The following TIPIN variants were observed in gnomAD, a reference collection of about 807,000 sequenced individuals.
TIPIN encodes TIMELESS-interacting protein.
A neutral mutation model predicts 35.6 loss-of-function variants in TIPIN; 29 were observed. The observed-to-expected ratio is 0.82, with a 90% CI of 0.61 to 1.11. The LOEUF is 1.11. Among genes scored for constraint, TIPIN ranks in the 50% most tolerant of loss-of-function variants. The probability of loss-of-function intolerance (pLI) is 0.00; values close to 1 mark genes in which losing one functional copy is unlikely to be tolerated. For missense variants in TIPIN, 296 were observed against 345.4 expected, an observed-to-expected ratio of 0.86 and a Z score of 1.13; for synonymous variants, 102 against 121.5, an observed-to-expected ratio of 0.84 and a Z score of 1.06.
At chr15:66,343,765 G>A (rs1426929429) in intron 6 of TIPIN, among the ~76,000 whole-genome samples, 2 of 152,246 alleles carry the variant, frequency 1.3e-5, no homozygotes, top group South Asian at 2.1e-4. Context: ...TTTGGGGGCC[G>A]AGGCAGGCAG....
chr15:66,336,272 G>C lies in TIPIN; in HGVS notation c.*686C>G, dbSNP rs1312080244. The C allele has an allele frequency of 6.6e-6, 1 of 152,234 alleles. No homozygotes were observed. Among genetic ancestry groups the C allele is most frequent in the Non-Finnish European group, 1.5e-5 (1 of 68,144 alleles). The allele number at this position is 152,234 out of a possible 1,614,324, so 9.4% of individuals were successfully genotyped here. A position where few individuals can be genotyped will look rare whatever the true frequency, so the allele number is the denominator to read the frequency against. On this transcript the variant is annotated 3_prime_UTR_variant, in exon 8 of 8. Transcript: ENST00000261881. ...TATGTACATCTCAAAACTTCACCCA[G>C]GCTGGGCGCGGTGGCTCACACCTGT... is the stretch of plus-strand genomic sequence containing the variant.
chr15:66,347,943 C>T (rs1235679869), intron 6 of TIPIN, among the ~76,000 whole-genome samples: 2 of 151,872 alleles, frequency 1.3e-5, no homozygotes, highest in African/African-American at 4.8e-5. Flanking sequence ...TAATTATATA[C>T]ACAATATGGA....
chr15:66,369,935 G>C (rs185111178), intron 1 of TIPIN, among the ~76,000 whole-genome samples: 8 of 152,224 alleles, frequency 5.3e-5, no homozygotes, highest in South Asian at 2.1e-4. Context: ...GGATGATGCA[G>C]GGGTTTTCCA....
intron 1 of TIPIN, chr15:66,366,702 G>T: frequency 2.0e-6 from 1 of 488,374 alleles, no homozygotes; most frequent in Non-Finnish European, 2.7e-6. Context: ...AGGAGGCGGA[G>T]GTTGCAGTCA....
intron 1 of TIPIN, chr15:66,382,335 T>G (rs1228141475): frequency 4.4e-5 from 43 of 985,108 alleles, no homozygotes; most frequent in African/African-American, 8.7e-5. Context: ...TGTTTGATTT[T>G]GAACCTAAGA....
At chr15:66,373,623 C>T (rs1399324981) in intron 1 of TIPIN, among the ~76,000 whole-genome samples, 1 of 152,022 alleles carries the variant, frequency 6.6e-6, no homozygotes, top group Non-Finnish European at 1.5e-5. Flanking sequence ...ATACTCTCAC[C>T]ATCAGTGTAA....
At chr15:66,343,994 G>A (rs1041571480) in intron 6 of TIPIN, among the ~76,000 whole-genome samples, 9 of 152,088 alleles carry the variant, frequency 5.9e-5, no homozygotes, top group East Asian at 3.8e-4. Flanking sequence ...GTGAAACTCC[G>A]TCTCAAAAAA....
chr15:66,379,998 C>A (rs377495232), intron 1 of TIPIN: 99 of 313,762 alleles, frequency 3.2e-4, no homozygotes, highest in Non-Finnish European at 4.5e-4. Context: ...TTCTTTCTTT[C>A]TTTCTTTTTT....
At chr15:66,385,420 G>A (rs1338098927) in intron 1 of TIPIN, among the ~76,000 whole-genome samples, 1 of 152,144 alleles carries the variant, frequency 6.6e-6, no homozygotes, top group Admixed American at 6.6e-5. Flanking sequence ...AATGGGTATT[G>A]TGCCTCTTAT....
At chr15:66,364,322 T>G (rs144625372) in intron 1 of TIPIN, among the ~76,000 whole-genome samples, 1 of 151,668 alleles carries the variant, frequency 6.6e-6, no homozygotes, top group African/African-American at 2.4e-5. Flanking sequence ...GGCGCCGCCA[T>G]GCCCAGCTAA....
intron 1 of TIPIN, chr15:66,379,999 TTTC>T (rs1167705018): frequency 2.6e-3 from 793 of 308,804 alleles, no homozygotes; most frequent in Middle Eastern, 3.8e-3. Flanking sequence ...TCTTTCTTTC[TTTC>T]TTTTTTTTTT....
intron 4 of TIPIN, among the ~76,000 whole-genome samples, chr15:66,350,247 G>A (rs1414160711): frequency 6.6e-6 from 1 of 151,910 alleles, no homozygotes; most frequent in East Asian, 1.9e-4. Flanking sequence ...TACAGCATGA[G>A]CCATAGCACC....
intron 1 of TIPIN, among the ~76,000 whole-genome samples, chr15:66,383,838 G>A (rs953131035): frequency 6.6e-6 from 1 of 152,018 alleles, no homozygotes; most frequent in African/African-American, 2.4e-5. Context: ...TAAATAAGTA[G>A]ATTTTAGCTG....
intron 1 of TIPIN, among the ~76,000 whole-genome samples, chr15:66,376,718 C>T (rs991737983): frequency 1.3e-5 from 2 of 151,744 alleles, no homozygotes; most frequent in African/African-American, 4.8e-5. Flanking sequence ...CATGAGCCAC[C>T]GTGCCCAGCC....
intron 1 of TIPIN, chr15:66,379,390 A>C (rs753181953): frequency 4.4e-6 from 7 of 1,600,170 alleles, no homozygotes; most frequent in African/African-American, 1.3e-5. Context: ...ATACCATTCA[A>C]AAATTTCCTG....
intron 1 of TIPIN, among the ~76,000 whole-genome samples, chr15:66,375,969 C>T (rs1195543598): frequency 6.6e-6 from 1 of 151,808 alleles, no homozygotes; most frequent in African/African-American, 2.4e-5. Context: ...GTCACGGCGG[C>T]GCACGCCTGT....
chr15:66,383,495 C>T, intron 1 of TIPIN: 1 of 651,308 alleles, frequency 1.5e-6, no homozygotes, highest in African/African-American at 2.0e-5. Context: ...AACTCCTGAC[C>T]TCAGGTGATC....
At chr15:66,369,349 A>G (rs1176702785) in intron 1 of TIPIN, among the ~76,000 whole-genome samples, 1 of 108,092 alleles carries the variant, frequency 9.3e-6, no homozygotes, top group Non-Finnish European at 1.8e-5. Context: ...ATAGTTCACA[A>G]TATCTTTTTT....
At chr15:66,380,162 C>A (rs534323491) in intron 1 of TIPIN, among the ~76,000 whole-genome samples, 1 of 151,916 alleles carries the variant, frequency 6.6e-6, no homozygotes, top group Non-Finnish European at 1.5e-5. Flanking sequence ...CCACTGCGCC[C>A]GGCTAATTTT....
Sources: gnomAD v4.1 joint callset for allele counts (sites outside exome capture counted in the v4.1 genomes callset) on GRCh38, gnomAD v4.1.1 for gene constraint, MANE v1.5 for transcripts, NCBI Gene and HGNC (gene_info 2026-07-23, HGNC 2026-07-21) for gene names.